RYR2: variants seen among roughly 807,000 people sequenced by gnomAD.
RYR2 encodes cardiac muscle ryanodine receptor-calcium release channel.
A neutral mutation model predicts 601.1 loss-of-function variants in RYR2; 227 were observed. That is an observed-to-expected ratio of 0.38 (90% CI 0.34 to 0.42). RYR2 has a LOEUF of 0.42. RYR2 is among the 10% of genes least tolerant of loss of function. The pLI, the probability that RYR2 is intolerant of heterozygous loss-of-function variation, is 1.00. For missense variants in RYR2, 4,646 were observed against 6,156.5 expected, an observed-to-expected ratio of 0.75 and a Z score of 8.21; for synonymous variants, 2,223 against 2,175.1, an observed-to-expected ratio of 1.02 and a Z score of -0.61.
chr1:237,152,977 CA>C (rs1376081370), intron 1 of RYR2, among the ~76,000 whole-genome samples: 1 of 152,114 alleles, frequency 6.6e-6, no homozygotes, highest in African/African-American at 2.4e-5. Context: ...AAAACCCCAT[CA>C]AAAAGTGGGC....
chr1:237,779,863 G>A (rs1220185837), intron 88 of RYR2, among the ~76,000 whole-genome samples: 4 of 152,236 alleles, frequency 2.6e-5, no homozygotes, highest in Non-Finnish European at 5.9e-5. Flanking sequence ...ATGAAGATTA[G>A]AGAAGGGGCG....
At chr1:237,242,711 C>T (rs754955181) in intron 1 of RYR2, among the ~76,000 whole-genome samples, 3 of 152,092 alleles carry the variant, frequency 2.0e-5, no homozygotes, top group Non-Finnish European at 2.9e-5. Flanking sequence ...TCTGAAATTT[C>T]CTACAGAAAA....
intron 101 of RYR2, among the ~76,000 whole-genome samples, chr1:237,824,871 C>T (rs1406860238): frequency 6.6e-6 from 1 of 152,130 alleles, no homozygotes; most frequent in East Asian, 1.9e-4. Context: ...CATTCCTATA[C>T]ACCAATAATA....
At chr1:237,615,002 C>G (rs184746789) in intron 37 of RYR2, among the ~76,000 whole-genome samples, 159 bp downstream of exon 37, 2 of 152,298 alleles carry the variant, frequency 1.3e-5, no homozygotes, top group African/African-American at 4.8e-5. Context: ...TCTTTTCCCT[C>G]TTATTCATTA....
intron 10 of RYR2, among the ~76,000 whole-genome samples, chr1:237,408,352 A>C (rs1704108980): frequency 1.4e-5 from 2 of 139,472 alleles, no homozygotes; most frequent in Admixed American, 6.9e-5. Flanking sequence ...ATCCATTTTG[A>C]GTTAATTTTT....
At chr1:237,550,857 C>T (rs190395743) in intron 27 of RYR2, among the ~76,000 whole-genome samples, 166 bp downstream of exon 27, 1 of 152,266 alleles carries the variant, frequency 6.6e-6, no homozygotes, top group African/African-American at 2.4e-5. Context: ...AGGGATTAGA[C>T]CCATCTCTCA....
intron 27 of RYR2, among the ~76,000 whole-genome samples, chr1:237,564,534 T>G (rs1038681839): frequency 1.4e-4 from 21 of 152,154 alleles, no homozygotes; most frequent in Non-Finnish European, 2.6e-4. Context: ...CCTCCCACAG[T>G]GTTGGGATAA....
At chr1:237,651,872 T>C (rs978885262) in intron 51 of RYR2, among the ~76,000 whole-genome samples, 30 of 151,968 alleles carry the variant, frequency 2.0e-4, no homozygotes, top group Middle Eastern at 6.8e-3. Context: ...CCCGTCTCTA[T>C]AAAAAATACA....
In RYR2 at chr1:237,504,669, A is replaced by G. The variant is rs115545887; in HGVS notation, c.2613+1164A>G. ...AAAATCGTGCAAGAAATTTTAAGGT[A>G]TAATAGTGTTAAGATGATTTAATAT... On this transcript the variant is annotated intron_variant, in intron 22 of 104. Transcript: ENST00000366574. Among the ~76,000 whole-genome samples, 1,290 of 152,290 alleles carry G rather than the reference A, an allele frequency of 8.5e-3. 20 individuals carry two copies. Among genetic ancestry groups the G allele is most frequent in the African/African-American group, 0.03 (1,226 of 41,550 alleles).
chr1:237,659,525 C>T (rs961375592), intron 54 of RYR2, among the ~76,000 whole-genome samples: 2 of 152,174 alleles, frequency 1.3e-5, no homozygotes, highest in Non-Finnish European at 2.9e-5. Flanking sequence ...GAGATGCATA[C>T]TCTAGTTTTC....
At chr1:237,316,366 T>C (rs1695110268) in intron 2 of RYR2, among the ~76,000 whole-genome samples, 1 of 152,200 alleles carries the variant, frequency 6.6e-6, no homozygotes, top group Admixed American at 6.5e-5. Context: ...ACATCTGTTA[T>C]TGTTACGATA....
chr1:237,169,302 CTTCTTCT>C (rs991798096), intron 1 of RYR2, among the ~76,000 whole-genome samples: 2 of 138,864 alleles, frequency 1.4e-5, no homozygotes, highest in African/African-American at 6.2e-5. Flanking sequence ...TTTTTTTCTT[CTTCTTCT>C]TTTTTTTTGA....
At chr1:237,260,087 C>CA (rs1216701660) in intron 1 of RYR2, among the ~76,000 whole-genome samples, 1 of 151,924 alleles carries the variant, frequency 6.6e-6, no homozygotes, top group African/African-American at 2.4e-5. Context: ...CCAAGATTTA[C>CA]AAAAAATGAA....
chr1:237,552,378 T>C (rs1670487279), intron 27 of RYR2, among the ~76,000 whole-genome samples: 1 of 152,180 alleles, frequency 6.6e-6, no homozygotes, highest in Non-Finnish European at 1.5e-5. Flanking sequence ...TTAAAAACAA[T>C]TTAAAAAATA....
intron 1 of RYR2, among the ~76,000 whole-genome samples, chr1:237,182,708 A>G (rs1678916251): frequency 6.6e-6 from 1 of 152,168 alleles, no homozygotes; most frequent in Non-Finnish European, 1.5e-5. Flanking sequence ...TTGTGTGGAC[A>G]TACACAATTT....
intron 6 of RYR2, among the ~76,000 whole-genome samples, chr1:237,373,516 C>T (rs76339073): frequency 5.1e-4 from 77 of 152,304 alleles, no homozygotes; most frequent in African/African-American, 1.2e-3. Flanking sequence ...AGTGCACTTG[C>T]TTCGTGATGG....
intron 12 of RYR2, among the ~76,000 whole-genome samples, chr1:237,431,186 T>C (rs1659397541): frequency 1.3e-5 from 2 of 152,214 alleles, no homozygotes; most frequent in South Asian, 4.1e-4. Context: ...GAGAAATATT[T>C]TTTAATCACA....
At chr1:237,167,214 G>A (rs1426851005) in intron 1 of RYR2, among the ~76,000 whole-genome samples, 1 of 152,142 alleles carries the variant, frequency 6.6e-6, no homozygotes, top group Non-Finnish European at 1.5e-5. Context: ...GATTTCCAGG[G>A]GTTGATTCTC....
chr1:237,630,126 A>T (rs1182326615), intron 41 of RYR2, among the ~76,000 whole-genome samples: 1 of 152,206 alleles, frequency 6.6e-6, no homozygotes, highest in Non-Finnish European at 1.5e-5. Flanking sequence ...ATGTGCCATT[A>T]AAAAGTAAAT....
Sources: gnomAD v4.1 joint callset for allele counts (sites outside exome capture counted in the v4.1 genomes callset) on GRCh38, gnomAD v4.1.1 for gene constraint, MANE v1.5 for transcripts, NCBI Gene and HGNC (gene_info 2026-07-23, HGNC 2026-07-21) for gene names.